The following KANK1 variants were observed in gnomAD, a reference collection of about 807,000 sequenced individuals.
KANK1 encodes KN motif and ankyrin repeat domains 1.
In KANK1, 109 loss-of-function variants were observed where a neutral mutation model predicts 106.2. That is an observed-to-expected ratio of 1.03 (90% CI 0.88 to 1.20). KANK1 has a LOEUF of 1.20. KANK1 is among the 50% of genes most tolerant of loss of function. The pLI is 0.00. For synonymous variants in KANK1, 873 were observed against 652.2 expected (o/e 1.34, Z -5.16); for missense variants, 2,399 against 1,710.7 (o/e 1.40, Z -7.10).
chr9:707,072 C>T (rs540517594), intron 2 of KANK1: 2 of 985,316 alleles, frequency 2.0e-6, no homozygotes, highest in Non-Finnish European at 2.4e-6. Context: ...GGAGGGAGAC[C>T]TCGCCGGTGA....
chr9:486,543 T>C (rs2058296303), intron 3 of KANK1, among the ~76,000 whole-genome samples: 1 of 152,156 alleles, frequency 6.6e-6, no homozygotes, highest in South Asian at 2.1e-4. Flanking sequence ...TTCTCCAAGG[T>C]TATATAGCCT....
intron 1 of KANK1, among the ~76,000 whole-genome samples, chr9:602,554 G>C (rs753198287): frequency 6.6e-6 from 1 of 150,916 alleles, no homozygotes; most frequent in African/African-American, 2.5e-5. Context: ...TGTTGCACCC[G>C]GCCCCCATTC....
intron 1 of KANK1, among the ~76,000 whole-genome samples, chr9:648,987 T>C (rs12352349): frequency 6.6e-6 from 1 of 152,104 alleles, no homozygotes; most frequent in South Asian, 2.1e-4. Context: ...ATCATTTTGT[T>C]GGCATTTATA....
intron 1 of KANK1, among the ~76,000 whole-genome samples, chr9:650,419 C>T (rs1313952316): frequency 1.3e-5 from 2 of 152,178 alleles, no homozygotes; most frequent in African/African-American, 4.8e-5. Flanking sequence ...TAAAACAGTG[C>T]TTCTCACACT....
chr9:503,094 C>G (rs948418878), upstream of KANK1, among the ~76,000 whole-genome samples: 9 of 149,156 alleles, frequency 6.0e-5, no homozygotes, highest in Non-Finnish European at 1.2e-4. Flanking sequence ...CTGTCTCGGC[C>G]TCCCAAAGTG....
chr9:703,450 C>T (rs1198887715), intron 2 of KANK1, among the ~76,000 whole-genome samples: 18 of 152,112 alleles, frequency 1.2e-4, no homozygotes. Context: ...ATTAAGCTTT[C>T]AATAAATGTT....
chr9:589,565 A>T (rs1824329387), intron 1 of KANK1, among the ~76,000 whole-genome samples: 1 of 151,960 alleles, frequency 6.6e-6, no homozygotes, highest in Non-Finnish European at 1.5e-5. Context: ...GGGGGCCAGG[A>T]CTTCCGTGAC....
intron 1 of KANK1, among the ~76,000 whole-genome samples, chr9:569,708 CAGA>C (rs1818695334): frequency 6.6e-6 from 1 of 152,126 alleles, no homozygotes; most frequent in Non-Finnish European, 1.5e-5. Flanking sequence ...CTAGACTTAC[CAGA>C]AGTTTACTTC....
rs1477189928 is a variant in KANK1 at position 744,573 on chromosome 9, C to T, written c.3980C>T (p.Ala1327Val). The T allele has an allele frequency of 3.7e-6, 6 of 1,614,040 alleles. No individual in the cohort carries two copies. In the Admixed American group the frequency reaches 1.0e-4, roughly 27 times the overall value. The change falls in exon 11 of 12, where the codon GCA (alanine) becomes GTA (valine). Residue 1327 changes from alanine (A) to valine (V), a missense_variant. Ala to Val is a moderately conservative substitution (Grantham distance 64). Transcript: ENST00000382297. ...CTTCTGTATGCCCATGTCAACTTTG[C>T]AAAAGCCCAGTCTCCGGTCAGTGTT... is the stretch of plus-strand genomic sequence containing the variant. ...AVLLYAHVNF[A>V]KAQSPGTPRL...
chr9:538,320 A>G (rs1320240061), intron 1 of KANK1, among the ~76,000 whole-genome samples: 2 of 152,182 alleles, frequency 1.3e-5, no homozygotes, highest in East Asian at 1.9e-4. Flanking sequence ...AAGGCCCTCT[A>G]TCTCAGGGCC....
intron 1 of KANK1, among the ~76,000 whole-genome samples, chr9:508,860 A>G (rs371578659): frequency 3.9e-5 from 6 of 152,196 alleles, no homozygotes; most frequent in Non-Finnish European, 5.9e-5. Flanking sequence ...TTCTAATTCT[A>G]GTACACGTCT....
chr9:611,874 A>G lies in KANK1; in HGVS notation c.-83-65016A>G, dbSNP rs144741219. ...GCTGGGATTACAGGCGCATGCCACCACACCCGGCTAATTTTTTGTATGTTT... is the reference window on the plus strand; with the variant it reads ...GCTGGGATTACAGGCGCATGCCACCGCACCCGGCTAATTTTTTGTATGTTT... On this transcript the variant is annotated intron_variant, in intron 1 of 11. Coordinates refer to ENST00000382297, the MANE Select transcript of KANK1 (RefSeq NM_015158.5). Among the ~76,000 whole-genome samples the G allele has an allele frequency of 3.0e-3, 457 of 152,130 alleles. 1 individual carries two copies. Among genetic ancestry groups the G allele is most frequent in the African/African-American group, 0.011 (443 of 41,486 alleles).
rs1378775450 is a variant in KANK1, at chr9:684,098, C to T, written c.37+7089C>T. ...CGGAGAGGTTTTGAAAAGCCCCTGG[C>T]TCATCAGAGCTTGCTTGTTTCATAA... On this transcript the variant is annotated intron_variant, in intron 2 of 11. Coordinates refer to ENST00000382297, the MANE Select transcript of KANK1 (RefSeq NM_015158.5). The T allele has an allele frequency of 5.5e-6, 5 of 909,764 alleles. No homozygotes were observed. The African/African-American group carries it at 9.3e-5, about 17-fold the overall frequency. The allele number at this position is 909,764 out of a possible 1,614,324, so 56.4% of individuals were successfully genotyped here.
At chr9:506,424 A>G (rs577026295) in intron 1 of KANK1, among the ~76,000 whole-genome samples, 1 of 152,302 alleles carries the variant, frequency 6.6e-6, no homozygotes, top group South Asian at 2.1e-4. Context: ...AGTTGGGAAT[A>G]CATTTTATCC....
At chr9:589,249 A>G (rs1824244873) in intron 1 of KANK1, among the ~76,000 whole-genome samples, 1 of 152,156 alleles carries the variant, frequency 6.6e-6, no homozygotes, top group African/African-American at 2.4e-5. Flanking sequence ...GAGGAAATTG[A>G]CTTGGAGGAT....
rs1278803233 is a variant in KANK1 at position 744,545 on chromosome 9, G to T, written c.3952G>T (p.Val1318Phe). 6.2e-7 allele frequency: 1 copy of T among 1,614,154 alleles called. No homozygotes were observed. The highest frequency in any genetic ancestry group is 8.5e-7 in the Non-Finnish European group (1 of 1,180,028). Residue 1318 changes from valine to phenylalanine, a missense_variant, in exon 11 of 12, where the codon GTT becomes TTT. Coordinates refer to ENST00000382297, the MANE Select transcript of KANK1 (RefSeq NM_015158.5). Reference sequence around the variant, plus strand: ...GGAAGCAGGACACAAGGACATCGCTGTTCTTCTGTATGCCCATGTCAACTT... The same window carrying T: ...GGAAGCAGGACACAAGGACATCGCTTTTCTTCTGTATGCCCATGTCAACTT... ...ALEAGHKDIA[V>F]LLYAHVNFAK...
chr9:728,100 T>A (rs1383968770), intron 3 of KANK1, among the ~76,000 whole-genome samples: 1 of 152,184 alleles, frequency 6.6e-6, no homozygotes, highest in African/African-American at 2.4e-5. Flanking sequence ...AACCTGACTC[T>A]CCTATAGCAT....
intron 3 of KANK1, among the ~76,000 whole-genome samples, chr9:475,466 C>A (rs933621179): frequency 6.6e-6 from 1 of 152,210 alleles, no homozygotes; most frequent in Non-Finnish European, 1.5e-5. Flanking sequence ...TACTCTACTT[C>A]CTTTCATTCC....
intron 1 of KANK1, among the ~76,000 whole-genome samples, chr9:580,868 C>G (rs2361089): frequency 6.6e-6 from 1 of 152,228 alleles, no homozygotes; most frequent in East Asian, 1.9e-4. Flanking sequence ...CCCACGGCAT[C>G]TGGGGGAGGC....
Sources: gnomAD v4.1 joint callset for allele counts (sites outside exome capture counted in the v4.1 genomes callset) on GRCh38, gnomAD v4.1.1 for gene constraint, MANE v1.5 for transcripts, NCBI Gene and HGNC (gene_info 2026-07-23, HGNC 2026-07-21) for gene names.